Variants in MYEF2 observed in about 807,000 individuals in gnomAD.
The protein encoded by MYEF2 is myelin expression factor 2.
MYEF2 carries 37 observed loss-of-function variants against 75.2 expected under a neutral mutation model. The ratio of observed to expected loss-of-function variants is 0.49; its 90% confidence interval spans 0.38 to 0.65. MYEF2 has a LOEUF of 0.65. Ranked by LOEUF, MYEF2 falls within the 30% of genes least tolerant of loss-of-function variation. The pLI is 0.00. For synonymous variants in MYEF2, 195 were observed against 241.6 expected (o/e 0.81, Z 1.79); for missense variants, 634 against 771.4 (o/e 0.82, Z 2.11).
At chr15:48,155,309 A>C (rs1453032866) in intron 9 of MYEF2, among the ~76,000 whole-genome samples, 1 of 152,102 alleles carries the variant, frequency 6.6e-6, no homozygotes, top group East Asian at 1.9e-4. Context: ...AAAAAAAATC[A>C]CCCAATAAAA....
At chr15:48,176,667 T>C (rs1457735019) in intron 1 of MYEF2, among the ~76,000 whole-genome samples, 2 of 152,234 alleles carry the variant, frequency 1.3e-5, no homozygotes, top group Non-Finnish European at 2.9e-5. Context: ...AAAGGTGGCA[T>C]GTATACTCGT....
Position 48,138,819 on chromosome 15 carries a change from G to C in MYEF2, c.*4089C>G. On this transcript the variant is annotated 3_prime_UTR_variant, in exon 17 of 17. Coordinates refer to ENST00000324324, the MANE Select transcript of MYEF2 (RefSeq NM_016132.5). ...AGTTTCAATTAGTTTCTTTTCACCAGCAATATCAGTAATGAGGTACTCAAA... is the reference window on the plus strand; with the variant it reads ...AGTTTCAATTAGTTTCTTTTCACCACCAATATCAGTAATGAGGTACTCAAA... 1 of 602,300 alleles carries C rather than the reference G, an allele frequency of 1.7e-6. No individual in the cohort carries two copies. The highest frequency in any genetic ancestry group is 3.0e-6 in the Non-Finnish European group (1 of 337,622). The allele number at this position is 602,300 out of a possible 1,614,324, so 37.3% of individuals were successfully genotyped here.
At chr15:48,146,669 C>A (rs568378922) in intron 16 of MYEF2, among the ~76,000 whole-genome samples, 2 of 152,024 alleles carry the variant, frequency 1.3e-5, no homozygotes, top group South Asian at 4.1e-4. Flanking sequence ...TAGATTCTTA[C>A]TAAGAAGCAA....
chr15:48,152,561 A>T (rs1482384614), intron 10 of MYEF2: 1 of 356,006 alleles, frequency 2.8e-6, no homozygotes, highest in Non-Finnish European at 5.0e-6. Flanking sequence ...TGAACTAGGT[A>T]ATCATTCACT....
At position 48,136,607 on chromosome 15, in the gene MYEF2, T is replaced by C. The variant is rs1365406214; in HGVS notation, c.*6301A>G. The C allele has an allele frequency of 8.2e-6, 11 of 1,334,320 alleles. No individual in the cohort carries two copies. Among genetic ancestry groups the C allele is most frequent in the African/African-American group, 1.5e-5 (1 of 67,960 alleles). 82.7% of individuals were successfully genotyped at this position (1,334,320 alleles called of 1,614,324 possible). Reference sequence around the variant, plus strand: ...CTACTTTTGTTAGAAAATCATTCAATAGATACTGCCCAAAAGCTATCAACT... The same window carrying C: ...CTACTTTTGTTAGAAAATCATTCAACAGATACTGCCCAAAAGCTATCAACT... On this transcript the variant is annotated 3_prime_UTR_variant, in exon 17 of 17. Transcript: ENST00000324324.
chr15:48,141,056 C>A lies in MYEF2; in HGVS notation c.*1852G>T, dbSNP rs2039063140. ...ACGAAGGAAATATCCAAAATAACTG[C>A]AAAGGATGGTTAGTGAATCTTTAAG... On this transcript the variant is annotated 3_prime_UTR_variant, in exon 17 of 17. Transcript: ENST00000324324. 3 of 1,384,466 alleles carry A rather than the reference C, an allele frequency of 2.2e-6. No homozygotes were observed. The highest frequency in any genetic ancestry group is 3.1e-6 in the Non-Finnish European group (3 of 982,752). 85.8% of individuals were successfully genotyped at this position (1,384,466 alleles called of 1,614,324 possible). A position where few individuals can be genotyped will look rare whatever the true frequency, so the allele number is the denominator to read the frequency against.
In MYEF2 at chr15:48,151,488, A is replaced by C. The variant is rs1457570286; in HGVS notation, c.1291T>G (p.Ser431Ala). 2 of 1,612,912 alleles carry C rather than the reference A, an allele frequency of 1.2e-6. No individual in the cohort carries two copies. The highest frequency in any genetic ancestry group is 1.1e-5 in the South Asian group (1 of 91,046). Residue 431 changes from serine to alanine, a missense_variant, in exon 13 of 17, where the codon TCC becomes GCC. Coordinates refer to ENST00000324324, the MANE Select transcript of MYEF2 (RefSeq NM_016132.5). ...CCAGCCCTACCAAGTCTACCAAAGG[A>C]ATCTCCAAAGCCTCGATTTATTCCA... ...DIGINRGFGD[S>A]FGRLGSAMIG...
rs1251186700 is a variant in MYEF2 at position 48,158,238 on chromosome 15, C to G, written c.872-14G>C. 11 of 1,611,422 alleles carry G rather than the reference C, an allele frequency of 6.8e-6. No individual in the cohort carries two copies. The highest frequency in any genetic ancestry group is 9.3e-6 in the Non-Finnish European group (11 of 1,178,576). ...CATTGAACATAGCTGTTGGTTCAGT[C>G]AAGGAAAGTCAGTTAAGATAACTAT... On this transcript the variant is annotated splice_polypyrimidine_tract_variant and intron_variant, in intron 7 of 16. Coordinates refer to ENST00000324324, the MANE Select transcript of MYEF2 (RefSeq NM_016132.5).
At chr15:48,166,551 A>G (rs2040140220) in intron 3 of MYEF2, among the ~76,000 whole-genome samples, 1 of 152,066 alleles carries the variant, frequency 6.6e-6, no homozygotes, top group South Asian at 2.1e-4. Flanking sequence ...TAGTGAATAA[A>G]TATTAATTTT....
chr15:48,137,061 A>G lies in MYEF2; in HGVS notation c.*5847T>C. ...CAAGTATTGTGTGCTTTTTATGTAA[A>G]AAAGACTGTGAAGACTCAGAAATGA... On this transcript the variant is annotated 3_prime_UTR_variant, in exon 17 of 17. Transcript: ENST00000324324. 7.6e-7 allele frequency: 1 copy of G among 1,321,142 alleles called. No individual in the cohort carries two copies. The highest frequency in any genetic ancestry group is 1.0e-6 in the Non-Finnish European group (1 of 975,202). The allele number at this position is 1,321,142 out of a possible 1,614,324, so 81.8% of individuals were successfully genotyped here.
chr15:48,141,031 A>G lies in MYEF2; in HGVS notation c.*1877T>C. Reference sequence around the variant, plus strand: ...AAATGTGCCTATTTTATTTTTGTTCACGAAGGAAATATCCAAAATAACTGC... The same window carrying G: ...AAATGTGCCTATTTTATTTTTGTTCGCGAAGGAAATATCCAAAATAACTGC... On this transcript the variant is annotated 3_prime_UTR_variant, in exon 17 of 17. Transcript: ENST00000324324. 1.7e-6 allele frequency: 2 copies of G among 1,143,664 alleles called. No homozygotes were observed. Among genetic ancestry groups the G allele is most frequent in the African/African-American group, 3.1e-5 (2 of 64,332 alleles). 70.8% of individuals were successfully genotyped at this position (1,143,664 alleles called of 1,614,324 possible).
rs1452631209 is a variant in MYEF2 at position 48,136,737 on chromosome 15, T to A, written c.*6171A>T. On this transcript the variant is annotated 3_prime_UTR_variant, in exon 17 of 17. Coordinates refer to ENST00000324324, the MANE Select transcript of MYEF2 (RefSeq NM_016132.5). The stretch of plus-strand genomic sequence containing the variant: ...ATGGATTGTATGTTTTGGTGCTGTG[T>A]TTTGACATTAAAATTAACCAATATA... 1 of 1,613,618 alleles carries A rather than the reference T, an allele frequency of 6.2e-7. No homozygotes were observed. The highest frequency in any genetic ancestry group is 8.5e-7 in the Non-Finnish European group (1 of 1,179,774).
chr15:48,152,345 T>C, intron 10 of MYEF2, 61 bp from the exon 11 acceptor site: 5 of 1,371,776 alleles, frequency 3.6e-6, no homozygotes, highest in Non-Finnish European at 5.1e-6. Context: ...TAAAAGATGA[T>C]ATAATGCATT....
chr15:48,163,563 C>A (rs1444524794), intron 5 of MYEF2, among the ~76,000 whole-genome samples: 1 of 152,150 alleles, frequency 6.6e-6, no homozygotes, highest in East Asian at 1.9e-4. Context: ...GATGGCTACA[C>A]TAAACAATAG....
intron 5 of MYEF2, among the ~76,000 whole-genome samples, chr15:48,165,034 G>A (rs759028420): frequency 2.6e-5 from 4 of 152,072 alleles, no homozygotes; most frequent in Non-Finnish European, 5.9e-5. Flanking sequence ...CATTACTTCA[G>A]TTTAGAGAAA....
Position 48,137,646 on chromosome 15 carries a change from G to A in MYEF2, c.*5262C>T, listed in dbSNP as rs906245798. On this transcript the variant is annotated 3_prime_UTR_variant, in exon 17 of 17. Coordinates refer to ENST00000324324, the MANE Select transcript of MYEF2 (RefSeq NM_016132.5). ...AAAGTGGTGGGAATAAATGAGAACA[G>A]ATGTGAGACTATATGAAGGAAGCAT... The A allele has an allele frequency of 6.6e-6, 1 of 152,116 alleles. No individual in the cohort carries two copies. Among genetic ancestry groups the A allele is most frequent in the African/African-American group, 2.4e-5 (1 of 41,422 alleles). 9.4% of individuals were successfully genotyped at this position (152,116 alleles called of 1,614,324 possible). A position where few individuals can be genotyped will look rare whatever the true frequency, so the allele number is the denominator to read the frequency against.
chr15:48,170,152 G>C (rs2040274002), intron 1 of MYEF2, among the ~76,000 whole-genome samples: 1 of 152,010 alleles, frequency 6.6e-6, no homozygotes, highest in African/African-American at 2.4e-5. Context: ...TTGAGATACA[G>C]TCTCATTCTG....
intron 16 of MYEF2, among the ~76,000 whole-genome samples, chr15:48,143,823 T>A (rs893064834): frequency 7.9e-5 from 12 of 152,116 alleles, no homozygotes; most frequent in African/African-American, 2.7e-4. Context: ...GACTCGTATT[T>A]GAAGTAAATC....
At position 48,168,677 on chromosome 15, in the gene MYEF2, T is replaced by C. The variant is rs187828549; in HGVS notation, c.324A>G (p.Pro108=). The C allele has an allele frequency of 3.8e-5, 62 of 1,613,976 alleles. No homozygotes were observed. The East Asian group carries it at 1.0e-3, about 27-fold the overall frequency. ...TAATAGCTTGCCATTTCATGTCATA[T>C]GGGATGTTGCTAATGAAAACTCTGT... ...NRNRVFISNI[P]YDMKWQAIKD... is the part of the protein sequence containing the mutation. Residue 108 remains proline, a synonymous_variant, in exon 2 of 17, where the codon CCA becomes CCG. Transcript: ENST00000324324.
Sources: gnomAD v4.1 joint callset for allele counts (sites outside exome capture counted in the v4.1 genomes callset) on GRCh38, gnomAD v4.1.1 for gene constraint, MANE v1.5 for transcripts, NCBI Gene and HGNC (gene_info 2026-07-23, HGNC 2026-07-21) for gene names.